The following RAD51B variants were observed in gnomAD, a reference collection of about 807,000 sequenced individuals.
RAD51B encodes DNA repair protein RAD51 homolog 2.
Under a neutral mutation model 42.2 loss-of-function variants are expected in RAD51B, and 38 were observed. The ratio of observed to expected loss-of-function variants is 0.90; its 90% CI spans 0.70 to 1.18. The LOEUF (loss-of-function observed/expected upper bound fraction) is 1.18. Among genes scored for constraint, RAD51B ranks in the 50% most tolerant of loss-of-function variants. RAD51B has a pLI of 0.00. For missense variants in RAD51B, 373 were observed against 400.7 expected (o/e 0.93, Z 0.59); for synonymous variants, 154 against 145.2 (o/e 1.06, Z -0.43).
chr14:68,034,352 G>T (rs1225818135), intron 7 of RAD51B, among the ~76,000 whole-genome samples: 1 of 151,646 alleles, frequency 6.6e-6, no homozygotes, highest in African/African-American at 2.4e-5. Flanking sequence ...GCTTACTGCA[G>T]CCTCTACCTC....
chr14:68,598,049 G>A (rs752109679), downstream of RAD51B, among the ~76,000 whole-genome samples: 5 of 152,120 alleles, frequency 3.3e-5, no homozygotes, highest in Non-Finnish European at 5.9e-5. Flanking sequence ...ACCCATGGCA[G>A]TCTCGGTCTG....
At chr14:67,873,365 A>G (rs541007880) in intron 5 of RAD51B, among the ~76,000 whole-genome samples, 3 of 152,348 alleles carry the variant, frequency 2.0e-5, no homozygotes, top group East Asian at 3.9e-4. Flanking sequence ...CATCAGAGAA[A>G]TGCAACTCAA....
At chr14:68,178,217 A>G (rs994504708) in intron 7 of RAD51B, among the ~76,000 whole-genome samples, 1 of 152,144 alleles carries the variant, frequency 6.6e-6, no homozygotes, top group Non-Finnish European at 1.5e-5. Context: ...CTGTGGACCT[A>G]TTTATCAGAA....
intron 10 of RAD51B, chr14:68,497,901 T>G (rs1275563034): frequency 5.1e-6 from 1 of 195,498 alleles, no homozygotes; most frequent in African/African-American, 2.3e-5. Flanking sequence ...TTTTGTTCAT[T>G]CATTCATCCG....
chr14:67,853,706 A>G (rs888211569), intron 4 of RAD51B, among the ~76,000 whole-genome samples: 2 of 152,236 alleles, frequency 1.3e-5, no homozygotes, highest in African/African-American at 4.8e-5. Flanking sequence ...GTGGATCTGG[A>G]GATTGAGAGA....
chr14:67,930,291 C>T (rs2044679376), intron 7 of RAD51B, among the ~76,000 whole-genome samples: 2 of 148,994 alleles, frequency 1.3e-5, no homozygotes, highest in African/African-American at 4.9e-5. Context: ...TTGTGTATTG[C>T]TTTACCAGTT....
chr14:67,841,528 C>G (rs2041427128), intron 4 of RAD51B, among the ~76,000 whole-genome samples: 1 of 151,936 alleles, frequency 6.6e-6, no homozygotes, highest in African/African-American at 2.4e-5. Flanking sequence ...CCTTGGTTTT[C>G]TTCTAGGATT....
At chr14:68,626,154 A>C (rs1892076003) in intron 10 of RAD51B, among the ~76,000 whole-genome samples, 1 of 152,240 alleles carries the variant, frequency 6.6e-6, no homozygotes, top group Non-Finnish European at 1.5e-5. Context: ...CAAGGTGTCC[A>C]CCATCGGGCT....
chr14:68,562,332 A>T, intron 10 of RAD51B: 1 of 985,394 alleles, frequency 1.0e-6, no homozygotes. Context: ...TGTGTGATCT[A>T]CAGGGTGAGA....
At chr14:68,464,984 C>T (rs2085937153) in intron 9 of RAD51B, among the ~76,000 whole-genome samples, 1 of 152,160 alleles carries the variant, frequency 6.6e-6, no homozygotes, top group Admixed American at 6.5e-5. Context: ...TGCTCATAGA[C>T]TGGCTATTAG....
At chr14:68,663,974 A>G (rs967067564) in intron 11 of RAD51B, among the ~76,000 whole-genome samples, 1 of 152,224 alleles carries the variant, frequency 6.6e-6, no homozygotes, top group Non-Finnish European at 1.5e-5. Flanking sequence ...TATTCTGATT[A>G]TTATTAAGAC....
intron 9 of RAD51B, among the ~76,000 whole-genome samples, chr14:68,428,841 G>T (rs2140128939): frequency 6.7e-6 from 1 of 148,406 alleles, no homozygotes; most frequent in Non-Finnish European, 1.5e-5. Flanking sequence ...GTGCCATGTT[G>T]GTGTGCTGCA....
intron 8 of RAD51B, among the ~76,000 whole-genome samples, chr14:68,345,585 AG>A (rs2082661515): frequency 6.6e-6 from 1 of 152,142 alleles, no homozygotes; most frequent in South Asian, 2.1e-4. Flanking sequence ...GAAGCTGAGC[AG>A]ATGCCAGCAC....
chr14:68,253,077 C>T (rs1162450207), intron 7 of RAD51B, among the ~76,000 whole-genome samples: 3 of 145,436 alleles, frequency 2.1e-5, no homozygotes, highest in East Asian at 3.9e-4. Flanking sequence ...AGCAGGACTC[C>T]GTCAAAAAAA....
intron 7 of RAD51B, among the ~76,000 whole-genome samples, chr14:68,017,754 C>T (rs991819463): frequency 2.6e-5 from 4 of 151,888 alleles, no homozygotes; most frequent in African/African-American, 9.7e-5. Flanking sequence ...AGGCAGATCA[C>T]GAGGTCAAGA....
Position 67,988,516 on chromosome 14 carries a change from C to T in RAD51B, c.756+101312C>T, listed in dbSNP as rs568607382. ...ATAATAAAAAAGAAATGAAAAACAA[C>T]ATCTTGTCTATTTTTTCCAGGATCA... On this transcript the variant is annotated intron_variant, in intron 7 of 10. Coordinates refer to ENST00000471583, the MANE Select transcript of RAD51B (RefSeq NM_133510.4). Among the ~76,000 whole-genome samples, 138 of 152,022 alleles carry T rather than the reference C, an allele frequency of 9.1e-4. 1 individual carries two copies. Among genetic ancestry groups the T allele is most frequent in the African/African-American group, 3.3e-3 (136 of 41,494 alleles).
chr14:68,670,765 G>A (rs1230883112), intron 11 of RAD51B, among the ~76,000 whole-genome samples: 2 of 152,206 alleles, frequency 1.3e-5, no homozygotes, highest in Non-Finnish European at 2.9e-5. Flanking sequence ...CAAAGTGGTC[G>A]AAGGCCAGAA....
At chr14:68,002,841 T>C (rs923435188) in intron 7 of RAD51B, among the ~76,000 whole-genome samples, 1 of 152,128 alleles carries the variant, frequency 6.6e-6, no homozygotes, top group African/African-American at 2.4e-5. Flanking sequence ...TGGTTATAGG[T>C]GTGTGGTCTT....
intron 10 of RAD51B, among the ~76,000 whole-genome samples, chr14:68,643,634 T>G (rs1892508769): frequency 6.6e-6 from 1 of 152,234 alleles, no homozygotes; most frequent in South Asian, 2.1e-4. Context: ...TTACTTTGTT[T>G]TATCCTACTC....
Sources: gnomAD v4.1 joint callset for allele counts (sites outside exome capture counted in the v4.1 genomes callset) on GRCh38, gnomAD v4.1.1 for gene constraint, MANE v1.5 for transcripts, NCBI Gene and HGNC (gene_info 2026-07-23, HGNC 2026-07-21) for gene names.